AGAP1: variants seen among roughly 807,000 people sequenced by gnomAD.
AGAP1 encodes ArfGAP with GTPase domain, ankyrin repeat and PH domain 1, also known as arf-GAP with GTPase, ANK repeat and PH domain-containing protein 1.
Under a neutral mutation model 105.3 loss-of-function variants are expected in AGAP1, and 29 were observed. The observed-to-expected ratio is 0.28, with a 90% CI of 0.21 to 0.38. AGAP1 has a LOEUF of 0.38. Ranked by LOEUF, AGAP1 falls within the 10% of genes least tolerant of loss-of-function variation. The pLI is 1.00. For missense variants in AGAP1, 998 were observed against 1,165.1 expected, an observed-to-expected ratio of 0.86 and a Z score of 2.09; for synonymous variants, 509 against 485.9, an observed-to-expected ratio of 1.05 and a Z score of -0.63.
intron 9 of AGAP1, among the ~76,000 whole-genome samples, chr2:235,811,354 AATCATGCTCAGTTTATCTC>A (rs1958129611): frequency 6.6e-6 from 1 of 152,220 alleles, no homozygotes; most frequent in African/African-American, 2.4e-5. Context: ...ATTTTTTGAA[AATCATGCTCAGTTTATCTC>A]ATCGTGCTTA....
At chr2:235,645,529 T>G (rs1382903996) in intron 1 of AGAP1, among the ~76,000 whole-genome samples, 1 of 152,204 alleles carries the variant, frequency 6.6e-6, no homozygotes, top group African/African-American at 2.4e-5. Flanking sequence ...GTAACGCTCC[T>G]TTAGTGACTG....
At chr2:235,562,517 C>G (rs981532548) in intron 1 of AGAP1, among the ~76,000 whole-genome samples, 13 of 152,054 alleles carry the variant, frequency 8.5e-5, no homozygotes, top group Admixed American at 3.3e-4. Context: ...AGGTGCCTCC[C>G]CAGCCCCAGC....
intron 1 of AGAP1, among the ~76,000 whole-genome samples, chr2:235,675,397 T>TCTCAATCTCCTGAC (rs1241180849): frequency 6.6e-6 from 1 of 152,056 alleles, no homozygotes; most frequent in Admixed American, 6.6e-5. Context: ...TTCACTGTGG[T>TCTCAATCTCCTGAC]CTCAATCTCC....
intron 1 of AGAP1, among the ~76,000 whole-genome samples, chr2:235,543,534 C>A (rs1474431692): frequency 6.6e-6 from 1 of 152,206 alleles, no homozygotes. Context: ...AAGAACCGTG[C>A]TGGATTGAGC....
rs1401544942 is a variant in AGAP1, at chr2:236,046,714, A to G, written c.1892-2345A>G. 6.6e-6 allele frequency among the ~76,000 whole-genome samples: 1 copy of G among 152,212 alleles called. No homozygotes were observed. Among genetic ancestry groups the G allele is most frequent in the African/African-American group, 2.4e-5 (1 of 41,460 alleles). ...TGGGTTGGCCTGAATAAGACTACAC[A>G]GTCAGAAGAGATGACCCCACAGGAG... On this transcript the variant is annotated intron_variant, in intron 15 of 17. Transcript: ENST00000304032. The surrounding 1 kb of genome is among the most constrained non-coding windows in gnomAD (Gnocchi z 5.2).
intron 1 of AGAP1, among the ~76,000 whole-genome samples, chr2:235,628,860 G>A (rs906240838): frequency 6.6e-5 from 10 of 152,028 alleles, no homozygotes; most frequent in Admixed American, 3.3e-4. Context: ...TACCCAGGCT[G>A]GAGTGCAGTG....
chr2:235,572,003 CT>C lies in AGAP1; in HGVS notation c.163+77171del, dbSNP rs374791680. ...ACACACACACACACACACACACACA[CT>C]TTTTTTTTTTTTTTTTGAAGCAGCT... On this transcript the variant is annotated intron_variant, in intron 1 of 17. Transcript: ENST00000304032. Among the ~76,000 whole-genome samples, 474 of 93,458 alleles carry C rather than the reference CT, an allele frequency of 5.1e-3. 3 individuals carry two copies. Among genetic ancestry groups the C allele is most frequent in the African/African-American group, 8.7e-3 (186 of 21,316 alleles). The allele number at this position is 93,458 out of a possible 152,430, so 61.3% of individuals were successfully genotyped here.
Position 235,961,825 on chromosome 2 carries a change from C to T in AGAP1, c.1484-6637C>T, listed in dbSNP as rs1179170621. On this transcript the variant is annotated intron_variant, in intron 12 of 17. Coordinates refer to ENST00000304032, the MANE Select transcript of AGAP1 (RefSeq NM_001037131.3). The surrounding 1 kb of genome is among the most constrained non-coding windows in gnomAD (Gnocchi z 5.9). The stretch of plus-strand genomic sequence containing the variant: ...CAGAGGTGGCAGTGAGCCGAGATCA[C>T]GCCACTGCACTACAGCCTGGTGACA... Among the ~76,000 whole-genome samples the T allele has an allele frequency of 3.3e-5, 5 of 152,174 alleles. No homozygotes were observed. The highest frequency in any genetic ancestry group is 2.4e-5 in the African/African-American group (1 of 41,460).
chr2:235,670,651 G>A, intron 1 of AGAP1: 1 of 639,874 alleles, frequency 1.6e-6, no homozygotes, highest in Non-Finnish European at 2.8e-6. Flanking sequence ...TGGCCTGGGC[G>A]CCGTGCGACG....
chr2:235,835,381 G>A (rs1432153452), intron 9 of AGAP1, among the ~76,000 whole-genome samples: 1 of 152,216 alleles, frequency 6.6e-6, no homozygotes, highest in African/African-American at 2.4e-5. Context: ...ATCTTGTGCT[G>A]CCACACCTGG....
intron 1 of AGAP1, among the ~76,000 whole-genome samples, chr2:235,673,413 G>C (rs1948544773): frequency 6.6e-6 from 1 of 152,160 alleles, no homozygotes; most frequent in Non-Finnish European, 1.5e-5. Context: ...GGGACAGGTG[G>C]GTTTGTAGGA....
chr2:235,651,425 T>C (rs1317482712), intron 1 of AGAP1, among the ~76,000 whole-genome samples: 4 of 152,164 alleles, frequency 2.6e-5, no homozygotes, highest in East Asian at 1.9e-4. Context: ...ATATTTGCAG[T>C]GAATGTTGCA....
At chr2:235,626,550 G>T (rs1946644260) in intron 1 of AGAP1, among the ~76,000 whole-genome samples, 1 of 151,940 alleles carries the variant, frequency 6.6e-6, no homozygotes, top group East Asian at 1.9e-4. Context: ...AATGTTTGTG[G>T]CAGTGACAGT....
At chr2:235,969,307 T>TAC (rs1052852240) in intron 13 of AGAP1, among the ~76,000 whole-genome samples, 2 of 151,884 alleles carry the variant, frequency 1.3e-5, no homozygotes, top group Admixed American at 6.6e-5. Context: ...AGCGCATGCG[T>TAC]ACACACACAC....
At chr2:235,768,182 ATTG>A (rs1955132252) in intron 6 of AGAP1, among the ~76,000 whole-genome samples, 1 of 151,842 alleles carries the variant, frequency 6.6e-6, no homozygotes, top group African/African-American at 2.4e-5. Flanking sequence ...TCGTTTGTTT[ATTG>A]TTTTCACCCT....
At chr2:235,922,810 C>G (rs980793493) in intron 11 of AGAP1, among the ~76,000 whole-genome samples, 2 of 152,118 alleles carry the variant, frequency 1.3e-5, no homozygotes, top group Non-Finnish European at 2.9e-5. Flanking sequence ...GATATAAATG[C>G]CATATTCACT....
Position 235,875,223 on chromosome 2 carries a change from G to C in AGAP1, c.1051-8122G>C, listed in dbSNP as rs1464881407. Reference sequence around the variant, plus strand: ...TGTTTCTGTATCTGCCAACCAGAGAGCAACTCCCGTTGTTTGTTTTCACCT... The same window carrying C: ...TGTTTCTGTATCTGCCAACCAGAGACCAACTCCCGTTGTTTGTTTTCACCT... On this transcript the variant is annotated intron_variant, in intron 9 of 17. Transcript: ENST00000304032. The surrounding 1 kb of genome is among the most constrained non-coding windows in gnomAD (Gnocchi z 4.0). Among the ~76,000 whole-genome samples, 2 of 152,200 alleles carry C rather than the reference G, an allele frequency of 1.3e-5. No homozygotes were observed. The highest frequency in any genetic ancestry group is 4.8e-5 in the African/African-American group (2 of 41,434).
intron 1 of AGAP1, among the ~76,000 whole-genome samples, chr2:235,646,362 T>A (rs922788674): frequency 1.9e-4 from 29 of 151,628 alleles, no homozygotes; most frequent in African/African-American, 6.8e-4. Context: ...ATGAATAGAA[T>A]CTCTCAAGGT....
chr2:235,784,068 G>A (rs966114405), intron 6 of AGAP1, among the ~76,000 whole-genome samples: 1 of 152,164 alleles, frequency 6.6e-6, no homozygotes, highest in Non-Finnish European at 1.5e-5. Context: ...AGCCGGAGTG[G>A]AAGGAGGTGT....
Sources: gnomAD v4.1 joint callset for allele counts (sites outside exome capture counted in the v4.1 genomes callset) on GRCh38, gnomAD v4.1.1 for gene constraint, Gnocchi (gnomAD v3.1) non-coding constraint, MANE v1.5 for transcripts, NCBI Gene and HGNC (gene_info 2026-07-23, HGNC 2026-07-21) for gene names.